Variants in NEBL observed in about 807,000 individuals in gnomAD.
NEBL encodes the protein LIM and SH3 protein 2.
A neutral mutation model predicts 140.2 loss-of-function variants in NEBL; 122 were observed. The observed-to-expected ratio is 0.87, with a 90% confidence interval of 0.75 to 1.01. The LOEUF (loss-of-function observed/expected upper bound fraction) is 1.01. NEBL is among the 50% of genes least tolerant of loss of function. The pLI is 0.00. For missense variants in NEBL, 1,365 were observed against 1,231.3 expected (o/e 1.11, Z -1.62); for synonymous variants, 436 against 398.9 (o/e 1.09, Z -1.11).
intron 2 of NEBL, among the ~76,000 whole-genome samples, chr10:21,084,246 T>C (rs147801352): frequency 6.6e-6 from 1 of 152,368 alleles, no homozygotes; most frequent in Non-Finnish European, 1.5e-5. Flanking sequence ...GTTTATGCGT[T>C]GAGTGTTGAA....
At chr10:21,146,362 C>T (rs375202194) in intron 2 of NEBL, 12 of 1,612,994 alleles carry the variant, frequency 7.4e-6, no homozygotes, top group Middle Eastern at 1.7e-4. Flanking sequence ...CTGGAATGTA[C>T]ATTTCAGCCA....
At position 21,173,859 on chromosome 10, in the gene NEBL, G is replaced by A. The variant is rs1052949116; in HGVS notation, c.-26C>T. On this transcript the variant is annotated 5_prime_UTR_variant, in exon 1 of 7. Coordinates refer to the NEBL transcript ENST00000417816. The surrounding 1 kb of genome is among the most constrained non-coding windows in gnomAD (Gnocchi z 5.7). ...GATCGCGGTTCCCGGGGGCGGCGGC[G>A]GCGGCGGCTGCTGGCTCCCAGGAGC... is the stretch of plus-strand genomic sequence containing the variant. 3 of 1,606,658 alleles carry A rather than the reference G, an allele frequency of 1.9e-6. No individual in the cohort carries two copies. Among genetic ancestry groups the A allele is most frequent in the Non-Finnish European group, 1.7e-6 (2 of 1,178,638 alleles).
intron 4 of NEBL, among the ~76,000 whole-genome samples, chr10:20,941,364 G>A (rs1223423865): frequency 6.6e-6 from 1 of 152,098 alleles, no homozygotes; most frequent in Non-Finnish European, 1.5e-5. Context: ...TGCAGAAAAG[G>A]CCTTTGACAA....
chr10:21,238,232 C>T (rs1376935473), intron 3 of NEBL, among the ~76,000 whole-genome samples: 1 of 152,206 alleles, frequency 6.6e-6, no homozygotes, highest in African/African-American at 2.4e-5. Context: ...AGTATACACA[C>T]ATTTTCCGTA....
intron 3 of NEBL, among the ~76,000 whole-genome samples, chr10:21,196,957 G>C (rs1841663379): frequency 6.6e-6 from 1 of 152,132 alleles, no homozygotes; most frequent in Non-Finnish European, 1.5e-5. Flanking sequence ...TTTTCATGAA[G>C]TGCGAATTTT....
At chr10:20,875,839 G>C (rs1325911258) in intron 5 of NEBL, among the ~76,000 whole-genome samples, 1 of 152,164 alleles carries the variant, frequency 6.6e-6, no homozygotes, top group Non-Finnish European at 1.5e-5. Context: ...ACTGATTCTT[G>C]GTGAGAAGAA....
chr10:21,281,701 TGGGG>T (rs1444954339), intron 1 of NEBL, among the ~76,000 whole-genome samples: 2 of 152,108 alleles, frequency 1.3e-5, no homozygotes, highest in African/African-American at 4.8e-5. Flanking sequence ...TAGTTTACTT[TGGGG>T]GTTCTGTCTG....
At chr10:20,980,504 G>A (rs1033799530) in intron 3 of NEBL, among the ~76,000 whole-genome samples, 9 of 152,132 alleles carry the variant, frequency 5.9e-5, no homozygotes, top group Admixed American at 1.3e-4. Flanking sequence ...ACATACAATC[G>A]TTGGTTAAGG....
chr10:20,791,017 C>G (rs1356422016), intron 26 of NEBL, among the ~76,000 whole-genome samples: 1 of 152,192 alleles, frequency 6.6e-6, no homozygotes, highest in East Asian at 1.9e-4. Flanking sequence ...GGGACAATGG[C>G]TTTTCTAACC....
chr10:21,027,360 C>A (rs1167742233), intron 2 of NEBL, among the ~76,000 whole-genome samples: 4 of 150,406 alleles, frequency 2.7e-5, no homozygotes, highest in African/African-American at 9.8e-5. Flanking sequence ...TAGAGTCTCA[C>A]TCTGTCACCT....
chr10:20,989,059 C>T (rs964274634), intron 3 of NEBL, among the ~76,000 whole-genome samples: 1 of 152,150 alleles, frequency 6.6e-6, no homozygotes, highest in African/African-American at 2.4e-5. Context: ...AATGTCAAAA[C>T]CATGATTACT....
intron 1 of NEBL, among the ~76,000 whole-genome samples, chr10:21,253,604 C>T (rs1388576759): frequency 1.4e-5 from 2 of 142,100 alleles, no homozygotes; most frequent in Middle Eastern, 4.1e-3. Context: ...AGTGCAATGG[C>T]GCAATCTCGG....
At chr10:21,028,897 A>C (rs200931116) in intron 2 of NEBL, 4 of 421,268 alleles carry the variant, frequency 9.5e-6, no homozygotes, top group African/African-American at 8.1e-5. Flanking sequence ...TGCCAGCTAA[A>C]AGATTGATAT....
chr10:21,125,876 T>C (rs1838802318), intron 2 of NEBL: 4 of 1,613,992 alleles, frequency 2.5e-6, no homozygotes, highest in Admixed American at 1.7e-5. Context: ...TTTTCTTTTA[T>C]GCCCTGGAAT....
intron 2 of NEBL, among the ~76,000 whole-genome samples, chr10:21,133,295 T>A (rs1456228872): frequency 1.3e-5 from 2 of 152,204 alleles, no homozygotes; most frequent in Non-Finnish European, 2.9e-5. Flanking sequence ...TTTAACCTAA[T>A]GAAATTACTA....
chr10:20,916,575 T>C (rs544880811), intron 4 of NEBL, among the ~76,000 whole-genome samples: 2 of 152,032 alleles, frequency 1.3e-5, no homozygotes, highest in Non-Finnish European at 2.9e-5. Flanking sequence ...ACTTGGCTAA[T>C]TTTTTTGTAA....
chr10:20,836,571 T>C (rs753994888), intron 13 of NEBL, among the ~76,000 whole-genome samples: 2 of 151,752 alleles, frequency 1.3e-5, no homozygotes, highest in Non-Finnish European at 2.9e-5. Flanking sequence ...TAGGAGGGGG[T>C]CACTGGCAAA....
intron 10 of NEBL, among the ~76,000 whole-genome samples, chr10:20,851,426 G>A (rs1402460908): frequency 6.6e-6 from 1 of 152,028 alleles, no homozygotes; most frequent in African/African-American, 2.4e-5. Flanking sequence ...CAAAGAGTAT[G>A]ATAGAGTAAT....
intron 3 of NEBL, among the ~76,000 whole-genome samples, chr10:20,969,175 T>A (rs1307754555): frequency 6.6e-6 from 1 of 152,226 alleles, no homozygotes; most frequent in Non-Finnish European, 1.5e-5. Context: ...GAGTTTTTTT[T>A]AAGGTGAAGT....
Sources: gnomAD v4.1 joint callset for allele counts (sites outside exome capture counted in the v4.1 genomes callset) on GRCh38, gnomAD v4.1.1 for gene constraint, Gnocchi (gnomAD v3.1) non-coding constraint, MANE v1.5 for transcripts, NCBI Gene and HGNC (gene_info 2026-07-23, HGNC 2026-07-21) for gene names.